RTKN2: variants seen among roughly 807,000 people sequenced by gnomAD.
RTKN2 encodes rhotekin-2.
In RTKN2, 69 loss-of-function variants were observed where a neutral mutation model predicts 71.5. The ratio of observed to expected loss-of-function variants is 0.96; its 90% CI spans 0.79 to 1.18. The LOEUF is 1.18. Ranked by LOEUF, RTKN2 falls within the 50% of genes most tolerant of loss-of-function variation. The pLI is 0.00. For missense variants in RTKN2, 724 were observed against 719.7 expected (o/e 1.01, Z -0.07); for synonymous variants, 236 against 236.5 (o/e 1.00, Z 0.02).
At chr10:62,202,063 A>T (rs1011058713) in intron 10 of RTKN2, among the ~76,000 whole-genome samples, 3 of 149,152 alleles carry the variant, frequency 2.0e-5, no homozygotes, top group Admixed American at 1.5e-4. Context: ...ATTTTTTAAA[A>T]ATTTAATGTT....
At chr10:62,243,620 G>A (rs1412224888) in intron 3 of RTKN2, among the ~76,000 whole-genome samples, 3 of 152,126 alleles carry the variant, frequency 2.0e-5, no homozygotes, top group Non-Finnish European at 4.4e-5. Flanking sequence ...GCTGGATACC[G>A]ATTTTCCAGG....
rs1841275247 is a variant in RTKN2, at chr10:62,194,053, G to A, written c.*3855C>T. The A allele has an allele frequency of 3.1e-6, 3 of 981,206 alleles. No homozygotes were observed. The highest frequency in any genetic ancestry group is 6.2e-5 in the Admixed American group (1 of 16,240). The allele number at this position is 981,206 out of a possible 1,614,324, so 60.8% of individuals were successfully genotyped here. On this transcript the variant is annotated 3_prime_UTR_variant, in exon 12 of 12. Coordinates refer to ENST00000373789, the MANE Select transcript of RTKN2 (RefSeq NM_145307.4). Reference sequence around the variant, plus strand: ...AGTTTCAATTACATGACTTGGGCTCGCTTACCAAATACCTTTGGTACTTTA... The same window carrying A: ...AGTTTCAATTACATGACTTGGGCTCACTTACCAAATACCTTTGGTACTTTA...
intron 4 of RTKN2, among the ~76,000 whole-genome samples, chr10:62,240,349 G>A (rs1002749557): frequency 1.3e-5 from 2 of 151,846 alleles, no homozygotes; most frequent in Admixed American, 6.6e-5. Flanking sequence ...AGTATTAGGT[G>A]ATTAAAAGGC....
In RTKN2 at chr10:62,197,084, ATCT is replaced by A; in HGVS notation, c.*821_*823del. On this transcript the variant is annotated 3_prime_UTR_variant, in exon 12 of 12. Coordinates refer to ENST00000373789, the MANE Select transcript of RTKN2 (RefSeq NM_145307.4). ...CTTTTCTGATATTTTTGAATCTCTC[ATCT>A]TCTTTTTAAATAAGTATTAAATGAA... 1 of 979,280 alleles carries A rather than the reference ATCT, an allele frequency of 1.0e-6. No homozygotes were observed. Among genetic ancestry groups the A allele is most frequent in the South Asian group, 4.7e-5 (1 of 21,144 alleles). The allele number at this position is 979,280 out of a possible 1,614,324, so 60.7% of individuals were successfully genotyped here. A position where few individuals can be genotyped will look rare whatever the true frequency, so the allele number is the denominator to read the frequency against.
At position 62,197,668 on chromosome 10, in the gene RTKN2, A is replaced by AGGCAGAAGTTTTC; in HGVS notation, c.*239_*240insGAAAACTTCTGCC. 1.5e-6 allele frequency: 2 copies of AGGCAGAAGTTTTC among 1,302,150 alleles called. No homozygotes were observed. The highest frequency in any genetic ancestry group is 1.9e-6 in the Non-Finnish European group (2 of 1,027,712). The allele number at this position is 1,302,150 out of a possible 1,614,324, so 80.7% of individuals were successfully genotyped here. A position where few individuals can be genotyped will look rare whatever the true frequency, so the allele number is the denominator to read the frequency against. On this transcript the variant is annotated 3_prime_UTR_variant, in exon 12 of 12. Coordinates refer to ENST00000373789, the MANE Select transcript of RTKN2 (RefSeq NM_145307.4). ...GAATAAATTAACCCTTCCAACAATT[A>AGGCAGAAGTTTTC]GGATATTGTCTAGAAACTGCCTCTT...
At chr10:62,262,540 A>G in intron 2 of RTKN2, 85 bp downstream of exon 2, 3 of 898,984 alleles carry the variant, frequency 3.3e-6, no homozygotes, top group South Asian at 3.8e-5. Flanking sequence ...GTGATTTGAC[A>G]TTGGTACTTA....
chr10:62,214,075 A>G (rs1351912556), intron 9 of RTKN2, among the ~76,000 whole-genome samples: 1 of 152,002 alleles, frequency 6.6e-6, no homozygotes, highest in Non-Finnish European at 1.5e-5. Context: ...AGAAAAACAC[A>G]GGAAACCAAC....
intron 9 of RTKN2, among the ~76,000 whole-genome samples, chr10:62,206,958 C>A (rs1353152591): frequency 6.6e-6 from 1 of 151,902 alleles, no homozygotes; most frequent in Non-Finnish European, 1.5e-5. Flanking sequence ...TGATATGCTA[C>A]TCTTATCAGA....
chr10:62,212,937 A>C (rs1841692363), intron 9 of RTKN2, among the ~76,000 whole-genome samples: 1 of 152,150 alleles, frequency 6.6e-6, no homozygotes, highest in South Asian at 2.1e-4. Flanking sequence ...ATCAACTCCA[A>C]TATATATTAC....
At chr10:62,223,359 T>A in intron 6 of RTKN2, 27 bp from the exon 7 acceptor site, 2 of 1,366,864 alleles carry the variant, frequency 1.5e-6, no homozygotes, top group East Asian at 2.3e-5. Context: ...AGACATGTTT[T>A]AAGTATTTTT....
chr10:62,190,589 C>T (rs978923239), downstream of RTKN2, among the ~76,000 whole-genome samples: 2 of 152,096 alleles, frequency 1.3e-5, no homozygotes, highest in African/African-American at 4.8e-5. Context: ...GAGACAAACA[C>T]CAGTAGCCAT....
intron 6 of RTKN2, among the ~76,000 whole-genome samples, chr10:62,234,614 C>T (rs1279785303): frequency 2.0e-5 from 3 of 151,940 alleles, no homozygotes; most frequent in Non-Finnish European, 2.9e-5. Flanking sequence ...ATCTAGTAAA[C>T]GGAAGAATCA....
At position 62,268,779 on chromosome 10, in the gene RTKN2, C is replaced by T. The variant is rs1864836; in HGVS notation, c.-169G>A. 9 of 655,408 alleles carry T rather than the reference C, an allele frequency of 1.4e-5. No homozygotes were observed. The East Asian group carries it at 1.5e-4, about 11-fold the overall frequency. The allele number at this position is 655,408 out of a possible 1,614,324, so 40.6% of individuals were successfully genotyped here. A position where few individuals can be genotyped will look rare whatever the true frequency, so the allele number is the denominator to read the frequency against. On this transcript the variant is annotated 5_prime_UTR_variant, in exon 1 of 12. Transcript: ENST00000373789. ...GGCCGAAGCGCACGCGCAGTGGGCG[C>T]GCCTTGCGCTCTGCAGCTCCCGCCG...
At chr10:62,235,208 G>A (rs1365896590) in intron 6 of RTKN2, among the ~76,000 whole-genome samples, 1 of 152,062 alleles carries the variant, frequency 6.6e-6, no homozygotes, top group Non-Finnish European at 1.5e-5. Context: ...ACCTTGTTTG[G>A]ATTCCGATTT....
chr10:62,256,690 A>ATG (rs1554815880), intron 2 of RTKN2, among the ~76,000 whole-genome samples: 1 of 151,592 alleles, frequency 6.6e-6, no homozygotes, highest in African/African-American at 2.4e-5. Context: ...GTATTTGTGT[A>ATG]TGCGTGTGTG....
At chr10:62,188,833 C>T (rs192854303), downstream of RTKN2, among the ~76,000 whole-genome samples, 4 of 151,932 alleles carry the variant, frequency 2.6e-5, no homozygotes, top group African/African-American at 7.2e-5. Flanking sequence ...CTGCAAGCTC[C>T]GCCTCCCGGG....
At chr10:62,188,747 T>A (rs561931876), downstream of RTKN2, among the ~76,000 whole-genome samples, 5 of 151,624 alleles carry the variant, frequency 3.3e-5, no homozygotes, top group African/African-American at 4.8e-5. Context: ...TTAAATTTTT[T>A]AAATTTTTTT....
chr10:62,210,875 T>TA (rs1841645709), intron 9 of RTKN2, among the ~76,000 whole-genome samples: 1 of 152,120 alleles, frequency 6.6e-6, no homozygotes, highest in Admixed American at 6.5e-5. Flanking sequence ...TTGATATGAT[T>TA]AGATATTAAG....
At position 62,262,611 on chromosome 10, in the gene RTKN2, A is replaced by G; in HGVS notation, c.257+14T>C. The G allele has an allele frequency of 6.4e-7, 1 of 1,550,750 alleles. No homozygotes were observed. The highest frequency in any genetic ancestry group is 1.7e-4 in the Middle Eastern group (1 of 5,878). On this transcript the variant is annotated intron_variant, in intron 2 of 11. Coordinates refer to ENST00000373789, the MANE Select transcript of RTKN2 (RefSeq NM_145307.4). The stretch of plus-strand genomic sequence containing the variant: ...TAAGTACATTAAAAGCCACAGGTAA[A>G]CTATGTTACTAACCATCTTCCAGTC...
Sources: allele counts gnomAD v4.1 joint callset (sites outside exome capture counted in the v4.1 genomes callset), GRCh38; gene constraint gnomAD v4.1.1; transcripts MANE v1.5; gene names NCBI Gene and HGNC (gene_info 2026-07-23, HGNC 2026-07-21).